Variants in RALGAPA2 observed in about 807,000 individuals in gnomAD.
The protein encoded by RALGAPA2 is Ral GTPase activating protein catalytic subunit alpha 2.
In RALGAPA2, 139 loss-of-function variants were observed where a neutral mutation model predicts 230.4. The ratio of observed to expected loss-of-function variants is 0.60; its 90% CI spans 0.53 to 0.69. RALGAPA2 has a LOEUF of 0.69. Among genes scored for constraint, RALGAPA2 ranks in the 30% least tolerant of loss-of-function variants. The probability of loss-of-function intolerance (pLI) is 0.00; values close to 1 mark genes in which losing one functional copy is unlikely to be tolerated. For missense variants in RALGAPA2, 2,163 were observed against 2,276.0 expected, an observed-to-expected ratio of 0.95 and a Z score of 1.01; for synonymous variants, 847 against 837.8, an observed-to-expected ratio of 1.01 and a Z score of -0.19.
At chr20:20,645,133 G>C (rs1346165680) in intron 4 of RALGAPA2, among the ~76,000 whole-genome samples, 1 of 5,722 alleles carries the variant, frequency 1.7e-4, no homozygotes, top group Non-Finnish European at 5.0e-4. Flanking sequence ...TTTTTTTTTT[G>C]AGACAGAGTC....
chr20:20,571,745 GCCTGTCTTCAAAA>G (rs2064644934), intron 22 of RALGAPA2, 90 bp downstream of exon 22: 1 of 1,453,216 alleles, frequency 6.9e-7, no homozygotes, highest in Admixed American at 2.0e-5. Context: ...GTAAGACCCA[GCCTGTCTTCAAAA>G]CATGCAGTCT....
intron 24 of RALGAPA2, among the ~76,000 whole-genome samples, chr20:20,537,486 G>C (rs1204047903): frequency 1.3e-5 from 2 of 151,914 alleles, no homozygotes; most frequent in African/African-American, 4.8e-5. Context: ...CAGGCATGGT[G>C]GTGGGCACCT....
In RALGAPA2 at chr20:20,535,769, G is replaced by A. The variant is rs2063481008; in HGVS notation, c.3449C>T (p.Thr1150Ile). The A allele has an allele frequency of 1.9e-6, 3 of 1,548,236 alleles. No homozygotes were observed. The highest frequency in any genetic ancestry group is 4.0e-5 in the Admixed American group (2 of 50,588). ...CCTTGCATATTCATTTGGTTCTTCT[G>A]TGGCATTCTTCAGTAAAATATTTAT... is the stretch of plus-strand genomic sequence containing the variant. ...YLINILLKNATEEPNEYARCI... is the reference protein window; with the variant it reads ...YLINILLKNAIEEPNEYARCI... Residue 1150 changes from threonine (T) to isoleucine (I), a missense_variant, in exon 26 of 40, where the codon ACA (threonine) becomes ATA (isoleucine). Physicochemically the swap from Thr to Ile is moderately conservative, Grantham distance 89. Transcript: ENST00000202677.
intron 30 of RALGAPA2, among the ~76,000 whole-genome samples, chr20:20,522,136 A>G (rs1316043042): frequency 1.3e-5 from 2 of 152,204 alleles, no homozygotes; most frequent in Non-Finnish European, 2.9e-5. Flanking sequence ...TTATGTGTAA[A>G]CTAGCACAAC....
rs1193473511 is a variant in RALGAPA2 at position 20,549,465 on chromosome 20, G to GT, written c.3157-2634dup. Among the ~76,000 whole-genome samples, 3 of 152,188 alleles carry GT rather than the reference G, an allele frequency of 2.0e-5. No individual in the cohort carries two copies. In the East Asian group the frequency reaches 5.8e-4, roughly 29 times the overall value. On this transcript the variant is annotated intron_variant, in intron 23 of 39. Transcript: ENST00000202677. ...TAGCCTACCCTACCCTGCCACCCAC[G>GT]TAAGACAGCGCCCTGAGGAGACACA...
chr20:20,417,732 G>A lies in RALGAPA2; in HGVS notation c.5496-5584C>T, dbSNP rs554024986. On this transcript the variant is annotated intron_variant, in intron 37 of 39. Transcript: ENST00000202677. Reference sequence around the variant, plus strand: ...TGTCAAGAGAAATTTATTCTCTTACGTCACTCATACAATCTAGCTTAAAAG... The same window carrying A: ...TGTCAAGAGAAATTTATTCTCTTACATCACTCATACAATCTAGCTTAAAAG... 2.2e-4 allele frequency among the ~76,000 whole-genome samples: 33 copies of A among 152,190 alleles called. 1 individual carries two copies. In the South Asian group the frequency reaches 4.0e-3, roughly 18 times the overall value.
chr20:20,508,634 G>A (rs1333980104), intron 33 of RALGAPA2, among the ~76,000 whole-genome samples: 3 of 152,184 alleles, frequency 2.0e-5, no homozygotes, highest in Admixed American at 6.5e-5. Flanking sequence ...TACATCAAGA[G>A]CAGTGAGATA....
At chr20:20,675,103 G>A (rs748889666) in intron 3 of RALGAPA2, among the ~76,000 whole-genome samples, 2 of 152,166 alleles carry the variant, frequency 1.3e-5, no homozygotes, top group Non-Finnish European at 2.9e-5. Context: ...CTTAATTAAA[G>A]CTCCTGTTAA....
intron 14 of RALGAPA2, among the ~76,000 whole-genome samples, chr20:20,607,901 C>CAAAATGGT (rs1417992117): frequency 1.3e-5 from 2 of 152,152 alleles, no homozygotes. Flanking sequence ...GTGCACAGAG[C>CAAAATGGT]AAAATGGTAA....
At chr20:20,473,813 A>C (rs1317531043) in intron 36 of RALGAPA2, among the ~76,000 whole-genome samples, 1 of 152,198 alleles carries the variant, frequency 6.6e-6, no homozygotes, top group Non-Finnish European at 1.5e-5. Context: ...AAGTTCCATG[A>C]GATCACAATT....
intron 26 of RALGAPA2, among the ~76,000 whole-genome samples, 194 bp downstream of exon 26, chr20:20,535,551 A>G (rs1033262983): frequency 2.0e-5 from 3 of 152,216 alleles, no homozygotes; most frequent in African/African-American, 4.8e-5. Flanking sequence ...TCTGCACTTT[A>G]CAATTTTTAC....
intron 23 of RALGAPA2, among the ~76,000 whole-genome samples, chr20:20,569,026 A>G (rs2064540254): frequency 1.3e-5 from 2 of 152,210 alleles, no homozygotes; most frequent in South Asian, 4.1e-4. Context: ...ACAGGTACAT[A>G]GTTTGTTAAT....
At chr20:20,555,506 TG>T (rs1285018678) in intron 23 of RALGAPA2, among the ~76,000 whole-genome samples, 1 of 152,192 alleles carries the variant, frequency 6.6e-6, no homozygotes, top group African/African-American at 2.4e-5. Context: ...CATGTCAGTT[TG>T]GGGAGTACTG....
chr20:20,408,909 T>C (rs4813388), intron 38 of RALGAPA2, among the ~76,000 whole-genome samples: 98,803 of 152,168 alleles, frequency 0.65, 32,161 homozygotes, highest in African/African-American at 0.71. Context: ...TATCTTTACA[T>C]GTCAGGTGTT....
intron 9 of RALGAPA2, 149 bp from the exon 10 acceptor site, chr20:20,629,739 G>T: frequency 1.4e-6 from 1 of 711,668 alleles, no homozygotes; most frequent in South Asian, 1.8e-5. Context: ...AAGCACGATA[G>T]GCTCCAGAGC....
intron 23 of RALGAPA2, among the ~76,000 whole-genome samples, chr20:20,563,855 CAT>C (rs2064331717): frequency 6.6e-6 from 1 of 151,958 alleles, no homozygotes. Context: ...GCACAAAACA[CAT>C]ATGTGCATAT....
intron 37 of RALGAPA2, among the ~76,000 whole-genome samples, chr20:20,455,012 T>A (rs1419207375): frequency 1.3e-5 from 2 of 152,198 alleles, no homozygotes; most frequent in African/African-American, 2.4e-5. Context: ...AATTCACACA[T>A]GCATACACAA....
intron 23 of RALGAPA2, among the ~76,000 whole-genome samples, chr20:20,570,033 T>C (rs1283543437): frequency 2.6e-5 from 4 of 152,214 alleles, no homozygotes; most frequent in African/African-American, 4.8e-5. Flanking sequence ...TGCATCATTC[T>C]GTAAAAGATG....
At chr20:20,630,940 C>A (rs942418557) in intron 9 of RALGAPA2, among the ~76,000 whole-genome samples, 10 of 152,056 alleles carry the variant, frequency 6.6e-5, no homozygotes, top group African/African-American at 2.4e-4. Flanking sequence ...AAAATATGCA[C>A]ATAGATAGCA....
Sources: gnomAD v4.1 joint callset for allele counts (sites outside exome capture counted in the v4.1 genomes callset) on GRCh38, gnomAD v4.1.1 for gene constraint, MANE v1.5 for transcripts, NCBI Gene and HGNC (gene_info 2026-07-23, HGNC 2026-07-21) for gene names.